The following ICE1 variants were observed in gnomAD, a reference collection of about 807,000 sequenced individuals.
The protein encoded by ICE1 is interactor of little elongation complex ELL subunit 1, also known as little elongation complex subunit 1.
Under a neutral mutation model 192.7 loss-of-function variants are expected in ICE1, and 64 were observed. The observed-to-expected ratio is 0.33, with a 90% CI of 0.27 to 0.41. The LOEUF (loss-of-function observed/expected upper bound fraction) is 0.41. ICE1 is among the 10% of genes least tolerant of loss of function. ICE1 has a pLI of 1.00. For missense variants in ICE1, 2,708 were observed against 2,696.0 expected (o/e 1.00, Z -0.10); for synonymous variants, 1,010 against 984.5 (o/e 1.03, Z -0.49).
At chr5:5,452,083 T>A (rs16875589) in intron 10 of ICE1, among the ~76,000 whole-genome samples, 6,579 of 151,804 alleles carry the variant, frequency 0.043, 561 homozygotes, top group East Asian at 0.32. Context: ...GGAAAAAAAA[T>A]TTTAACTTGA....
At chr5:5,423,099 G>T (rs113280389) in intron 1 of ICE1, 100 bp downstream of exon 1, 3 of 640,320 alleles carry the variant, frequency 4.7e-6, no homozygotes, top group East Asian at 7.2e-5. Flanking sequence ...GTGCCTCAGT[G>T]CGCTGCTCTC....
intron 1 of ICE1, among the ~76,000 whole-genome samples, chr5:5,430,602 T>G (rs571841664): frequency 6.6e-6 from 1 of 152,340 alleles, no homozygotes; most frequent in East Asian, 1.9e-4. Context: ...CATTTTTAAT[T>G]GCTTCCACTG....
intron 1 of ICE1, 125 bp downstream of exon 1, chr5:5,423,124 G>T (rs1431089935): frequency 1.1e-5 from 5 of 463,580 alleles, no homozygotes; most frequent in African/African-American, 8.1e-5. Flanking sequence ...CCCAACCGTA[G>T]CTCTTGCTCG....
intron 6 of ICE1, 32 bp from the exon 7 acceptor site, chr5:5,444,257 T>G: frequency 6.7e-7 from 1 of 1,488,080 alleles, no homozygotes; most frequent in Non-Finnish European, 9.1e-7. Context: ...TCTCTCTTTC[T>G]TGCCATTTAA....
intron 17 of ICE1, among the ~76,000 whole-genome samples, chr5:5,485,234 T>C (rs543173476): frequency 2.6e-5 from 4 of 152,324 alleles, no homozygotes; most frequent in African/African-American, 7.2e-5. Flanking sequence ...TATTTAGTTA[T>C]TCATTTAAAA....
intron 17 of ICE1, among the ~76,000 whole-genome samples, chr5:5,482,840 TAAG>T (rs1251934237): frequency 1.3e-5 from 2 of 150,432 alleles, no homozygotes; most frequent in Non-Finnish European, 2.9e-5. Flanking sequence ...GAATTGTTAC[TAAG>T]GAGAAACTGT....
chr5:5,480,763 C>G (rs547489353), intron 17 of ICE1, among the ~76,000 whole-genome samples: 1 of 152,208 alleles, frequency 6.6e-6, no homozygotes, highest in South Asian at 2.1e-4. Context: ...TAGACAAAAA[C>G]CTGGTTACAA....
At chr5:5,434,138 G>T (rs770566530) in intron 1 of ICE1, among the ~76,000 whole-genome samples, 13 of 152,162 alleles carry the variant, frequency 8.5e-5, no homozygotes, top group Non-Finnish European at 1.3e-4. Flanking sequence ...ATTTGATGAA[G>T]ATTGATACCT....
intron 1 of ICE1, among the ~76,000 whole-genome samples, chr5:5,425,038 G>A (rs1737481128): frequency 6.6e-6 from 1 of 152,154 alleles, no homozygotes; most frequent in African/African-American, 2.4e-5. Flanking sequence ...GTTAAATTTA[G>A]CAACTGTATT....
rs1285316713 is a variant in ICE1 at position 5,479,662 on chromosome 5, CTA to C, written c.6520+3585_6520+3586del. The stretch of plus-strand genomic sequence containing the variant: ...ATGCACACATATGTTTATTGCAGCA[CTA>C]TTTACAATAGCAAAGACTTGGAACC... On this transcript the variant is annotated intron_variant, in intron 17 of 18. Transcript: ENST00000296564. 2.6e-5 allele frequency among the ~76,000 whole-genome samples: 4 copies of C among 152,310 alleles called. No individual in the cohort carries two copies. The East Asian group carries it at 7.7e-4, about 29-fold the overall frequency.
intron 5 of ICE1, among the ~76,000 whole-genome samples, chr5:5,441,499 G>A (rs1055751923): frequency 3.9e-5 from 6 of 152,162 alleles, no homozygotes; most frequent in Non-Finnish European, 5.9e-5. Context: ...GGTTTTATGT[G>A]TTCTGCATTA....
chr5:5,483,406 G>T (rs1323946614), intron 17 of ICE1, among the ~76,000 whole-genome samples: 4 of 152,200 alleles, frequency 2.6e-5, no homozygotes, highest in Non-Finnish European at 5.9e-5. Context: ...TTGGATTCAG[G>T]TGTGAGCATT....
At chr5:5,456,852 C>T (rs998135951) in intron 11 of ICE1, among the ~76,000 whole-genome samples, 9 of 152,162 alleles carry the variant, frequency 5.9e-5, no homozygotes, top group African/African-American at 1.4e-4. Flanking sequence ...TCATAGACCT[C>T]GTCAGATCTT....
Position 5,457,713 on chromosome 5 carries a change from C to T in ICE1, c.1073C>T (p.Pro358Leu), listed in dbSNP as rs201580742. Residue 358 changes from proline to leucine, a missense_variant, in exon 12 of 19, where the codon CCG (proline) becomes CTG (leucine). Physicochemically the swap from Pro to Leu is moderately conservative, Grantham distance 98. Around this residue, in one of 2 missense-constraint regions of ICE1, gnomAD observed 2,366 missense variants for 2,276.6 expected, o/e 1.04. Coordinates refer to ENST00000296564, the MANE Select transcript of ICE1 (RefSeq NM_015325.3). ...PSPPPMSSPH[P>L]GSLPSSFAPE... ...CCCCCTCCGATGTCATCACCTCACC[C>T]GGGTTCCTTACCGTCTTCATTTGCA... 102 of 1,612,932 alleles carry T rather than the reference C, an allele frequency of 6.3e-5. No homozygotes were observed. In the African/African-American group the frequency reaches 9.3e-4, roughly 15 times the overall value.
rs1739721117 is a variant in ICE1, at chr5:5,489,235, G to A, written c.6706G>A (p.Glu2236Lys). Reference protein sequence around the residue: ...SNPAEISKILEAWRREASKSV... With the variant: ...SNPAEISKILKAWRREASKSV... ...TCCAGCAGAAATTTCCAAGATCCTGGAAGCTTGGCGGAGAGAGGCCTCCAA... is the reference window on the plus strand; with the variant it reads ...TCCAGCAGAAATTTCCAAGATCCTGAAAGCTTGGCGGAGAGAGGCCTCCAA... The change falls in exon 19 of 19, where the codon GAA becomes AAA. Residue 2236 changes from glutamate to lysine, a missense_variant. Glu to Lys is a moderately conservative substitution (Grantham distance 56). Transcript: ENST00000296564. 1 of 1,613,802 alleles carries A rather than the reference G, an allele frequency of 6.2e-7. No homozygotes were observed. Among genetic ancestry groups the A allele is most frequent in the African/African-American group, 1.3e-5 (1 of 74,892 alleles).
chr5:5,444,543 C>T (rs555528835), intron 7 of ICE1, among the ~76,000 whole-genome samples: 9 of 152,052 alleles, frequency 5.9e-5, no homozygotes, highest in Non-Finnish European at 8.8e-5. Flanking sequence ...GGCAAATCTC[C>T]GAAATGTTAC....
At position 5,489,369 on chromosome 5, in the gene ICE1, AT is replaced by A; in HGVS notation, c.*43del. On this transcript the variant is annotated 3_prime_UTR_variant, in exon 19 of 19. Coordinates refer to ENST00000296564, the MANE Select transcript of ICE1 (RefSeq NM_015325.3). ...TGAGGCTTGAGAAGTGCCTTGACACATTTTGAACACAAATAGTTTGATCAGC... is the reference window on the plus strand; with the variant it reads ...TGAGGCTTGAGAAGTGCCTTGACACATTTGAACACAAATAGTTTGATCAGC... The A allele has an allele frequency of 1.3e-6, 2 of 1,514,758 alleles. No homozygotes were observed. The highest frequency in any genetic ancestry group is 2.3e-5 in the East Asian group (1 of 42,838). 93.8% of individuals were successfully genotyped at this position (1,514,758 alleles called of 1,614,324 possible). A position where few individuals can be genotyped will look rare whatever the true frequency, so the allele number is the denominator to read the frequency against.
Position 5,462,052 on chromosome 5 carries a change from G to A in ICE1, c.2718G>A (p.Gly906=). ...TGTCAACTGTAGCAAAATGTGATGG[G>A]GAAAGAGATGATACAACACAAAACA... ...TGMSTVAKCD[G]ERDDTTQNIT... The change falls in exon 13 of 19, where the codon GGG becomes GGA. Residue 906 remains glycine, a synonymous_variant. Transcript: ENST00000296564. 6.2e-7 allele frequency: 1 copy of A among 1,613,976 alleles called. No individual in the cohort carries two copies. The highest frequency in any genetic ancestry group is 1.1e-5 in the South Asian group (1 of 91,092).
chr5:5,463,000 A>T lies in ICE1; in HGVS notation c.3666A>T (p.Gln1222His), dbSNP rs1168544276. The change falls in exon 13 of 19, where the codon CAA becomes CAT. Residue 1222 changes from glutamine to histidine, a missense_variant. This residue lies in a region of ICE1 where 2,366 missense variants were observed against 2,276.6 expected (regional missense o/e 1.04). Transcript: ENST00000296564. ...AAATAGGAGAAAAATACAGAAAGCA[A>T]CCCTGTGAGGAAGAAACACTTGGAA... The part of the protein sequence containing the change: ...ASEIGEKYRK[Q>H]PCEEETLGTC... 1 of 1,613,600 alleles carries T rather than the reference A, an allele frequency of 6.2e-7. No homozygotes were observed. The highest frequency in any genetic ancestry group is 2.2e-5 in the East Asian group (1 of 44,882).
Sources: gnomAD v4.1 joint callset for allele counts (sites outside exome capture counted in the v4.1 genomes callset) on GRCh38, gnomAD v4.1.1 for gene constraint, gnomAD v4.1.1 regional missense constraint, MANE v1.5 for transcripts, NCBI Gene and HGNC (gene_info 2026-07-23, HGNC 2026-07-21) for gene names.